The following PLCXD3 variants were observed in gnomAD, a reference collection of about 807,000 sequenced individuals.
PLCXD3 encodes PI-PLC X domain-containing protein 3.
In PLCXD3, 19 loss-of-function variants were observed where a neutral mutation model predicts 25.5. The ratio of observed to expected loss-of-function variants is 0.75; its 90% confidence interval spans 0.52 to 1.09. The LOEUF (loss-of-function observed/expected upper bound fraction) is 1.09, where lower values mean the gene tolerates loss of function less well. Among genes scored for constraint, PLCXD3 ranks in the 50% least tolerant of loss-of-function variants. The pLI, the probability that PLCXD3 is intolerant of heterozygous loss-of-function variation, is 0.00. For missense variants in PLCXD3, 411 were observed against 388.1 expected (o/e 1.06, Z -0.50); for synonymous variants, 174 against 137.6 (o/e 1.26, Z -1.85).
intron 1 of PLCXD3, among the ~76,000 whole-genome samples, chr5:41,478,743 G>A (rs73079785): frequency 0.015 from 2,221 of 152,222 alleles, 50 homozygotes; most frequent in African/African-American, 0.05. Context: ...CTGGAGACTG[G>A]GTAATTTATG....
At chr5:41,417,750 G>A (rs566731164) in intron 1 of PLCXD3, among the ~76,000 whole-genome samples, 188 of 152,298 alleles carry the variant, frequency 1.2e-3, no homozygotes, top group Non-Finnish European at 1.9e-3. Context: ...CTGGAGGGTA[G>A]GACTTTCCCA....
chr5:41,353,154 G>T (rs146475125), intron 2 of PLCXD3, among the ~76,000 whole-genome samples: 16 of 150,156 alleles, frequency 1.1e-4, no homozygotes, highest in African/African-American at 3.9e-4. Flanking sequence ...GTGCAGTGGC[G>T]CGATCTCCGC....
At chr5:41,315,884 G>A (rs1743274825) in intron 2 of PLCXD3, among the ~76,000 whole-genome samples, 1 of 152,208 alleles carries the variant, frequency 6.6e-6, no homozygotes, top group Admixed American at 6.5e-5. Flanking sequence ...GGGAATCACA[G>A]ATCCCAGCAG....
At chr5:41,400,796 A>C (rs1171949162) in intron 1 of PLCXD3, among the ~76,000 whole-genome samples, 1 of 152,070 alleles carries the variant, frequency 6.6e-6, no homozygotes, top group Non-Finnish European at 1.5e-5. Context: ...TAGGTTGACT[A>C]TAGTCAAATA....
intron 1 of PLCXD3, among the ~76,000 whole-genome samples, chr5:41,454,743 C>A (rs567547830): frequency 6.6e-6 from 1 of 151,836 alleles, no homozygotes; most frequent in Non-Finnish European, 1.5e-5. Context: ...TGACAACCAC[C>A]GGAACTTAAG....
At chr5:41,371,163 C>T (rs541818188) in intron 2 of PLCXD3, among the ~76,000 whole-genome samples, 1 of 152,146 alleles carries the variant, frequency 6.6e-6, no homozygotes, top group Non-Finnish European at 1.5e-5. Context: ...ACAGCCTCGA[C>T]TGTTTTAATG....
intron 1 of PLCXD3, among the ~76,000 whole-genome samples, chr5:41,433,089 C>T (rs1447812768): frequency 6.6e-6 from 1 of 152,180 alleles, no homozygotes; most frequent in African/African-American, 2.4e-5. Context: ...GCTTTCTCCA[C>T]CACATGGCAG....
intron 1 of PLCXD3, among the ~76,000 whole-genome samples, chr5:41,459,554 G>A (rs564753468): frequency 1.2e-4 from 18 of 151,684 alleles, no homozygotes; most frequent in Admixed American, 1.1e-3. Flanking sequence ...GTCCCTTTAG[G>A]ATATCAATAC....
chr5:41,404,545 A>G (rs1179132486), intron 1 of PLCXD3, among the ~76,000 whole-genome samples: 1 of 152,164 alleles, frequency 6.6e-6, no homozygotes, highest in Admixed American at 6.6e-5. Flanking sequence ...ATTTACTACC[A>G]TCTGTCTAAG....
chr5:41,450,546 G>A (rs1006004390), intron 1 of PLCXD3, among the ~76,000 whole-genome samples: 2 of 152,100 alleles, frequency 1.3e-5, no homozygotes, highest in Non-Finnish European at 2.9e-5. Context: ...GCTGATAGAA[G>A]CAGCTTGAAA....
Position 41,309,776 on chromosome 5 carries a change from T to A in PLCXD3, c.*3841A>T, listed in dbSNP as rs1743081428. The A allele has an allele frequency of 6.6e-6, 1 of 152,170 alleles. No individual in the cohort carries two copies. The highest frequency in any genetic ancestry group is 1.5e-5 in the Non-Finnish European group (1 of 68,028). 9.4% of individuals were successfully genotyped at this position (152,170 alleles called of 1,614,324 possible). A position where few individuals can be genotyped will look rare whatever the true frequency, so the allele number is the denominator to read the frequency against. ...TGGATTCTCTAATTTGAAGTGAAAT[T>A]GAGAATTTAGATAGACTGTTCGTGC... On this transcript the variant is annotated 3_prime_UTR_variant, in exon 3 of 3. Transcript: ENST00000377801.
chr5:41,453,121 A>G (rs888450568), intron 1 of PLCXD3, among the ~76,000 whole-genome samples: 2 of 151,874 alleles, frequency 1.3e-5, no homozygotes, highest in Admixed American at 1.3e-4. Context: ...TCCTCGTTTA[A>G]CCAAAATTTT....
At chr5:41,397,636 C>T (rs1318165315) in intron 1 of PLCXD3, among the ~76,000 whole-genome samples, 2 of 152,142 alleles carry the variant, frequency 1.3e-5, no homozygotes, top group Non-Finnish European at 2.9e-5. Flanking sequence ...AATCCTCCAG[C>T]CCCCAGAATG....
chr5:41,378,459 T>C (rs1412697293), intron 2 of PLCXD3, among the ~76,000 whole-genome samples: 1 of 152,146 alleles, frequency 6.6e-6, no homozygotes, highest in African/African-American at 2.4e-5. Context: ...ATTAGTTCTC[T>C]ATATGGAGTC....
At chr5:41,446,830 TGCACTGTG>T (rs1485357958) in intron 1 of PLCXD3, among the ~76,000 whole-genome samples, 3 of 152,234 alleles carry the variant, frequency 2.0e-5, no homozygotes, top group Admixed American at 2.0e-4. Flanking sequence ...ATATCACATC[TGCACTGTG>T]GCCATAAGTG....
At chr5:41,471,255 A>G (rs1002798659) in intron 1 of PLCXD3, among the ~76,000 whole-genome samples, 1 of 152,226 alleles carries the variant, frequency 6.6e-6, no homozygotes, top group Non-Finnish European at 1.5e-5. Context: ...CATATTGTTG[A>G]AAGAGGCACT....
intron 1 of PLCXD3, among the ~76,000 whole-genome samples, chr5:41,482,686 G>A (rs1246467129): frequency 3.3e-5 from 5 of 152,144 alleles, no homozygotes; most frequent in Admixed American, 1.3e-4. Flanking sequence ...AGAAAATTAG[G>A]AACACTGCAG....
chr5:41,408,863 A>C (rs546186160), intron 1 of PLCXD3, among the ~76,000 whole-genome samples: 1 of 152,338 alleles, frequency 6.6e-6, no homozygotes, highest in Admixed American at 6.5e-5. Flanking sequence ...AGGATGAATC[A>C]AGGATGACTA....
Position 41,381,827 on chromosome 5 carries a change from T to A in PLCXD3, c.811A>T (p.Arg271Ter). The part of the protein sequence containing the change: ...ASGLRETITE[R>*]ALPAMMQWVR... ...CCCTGACATTTTAAAGACACTTACC[T>A]TTCTGTGATTGTTTCTCTGAGGCCA... The change falls in exon 2 of 3, where the codon AGA becomes TGA. Residue 271 changes from arginine to a stop codon, truncating the protein, a stop_gained and splice_region_variant. Transcript: ENST00000377801. LOFTEE classifies it high-confidence loss of function. The A allele has an allele frequency of 6.2e-7, 1 of 1,602,590 alleles. No homozygotes were observed. The highest frequency in any genetic ancestry group is 2.2e-5 in the East Asian group (1 of 44,734).
Sources: gnomAD v4.1 joint callset for allele counts (sites outside exome capture counted in the v4.1 genomes callset) on GRCh38, gnomAD v4.1.1 for gene constraint, MANE v1.5 for transcripts, NCBI Gene and HGNC (gene_info 2026-07-23, HGNC 2026-07-21) for gene names.